The following FSTL5 variants were observed in gnomAD, a reference collection of about 807,000 sequenced individuals.
The protein encoded by FSTL5 is follistatin-related protein 5.
In FSTL5, 62 loss-of-function variants were observed where a neutral mutation model predicts 89.1. The ratio of observed to expected loss-of-function variants is 0.70; its 90% CI spans 0.57 to 0.86. The LOEUF is 0.86. Ranked by LOEUF, FSTL5 falls within the 40% of genes least tolerant of loss-of-function variation. The pLI, the probability that FSTL5 is intolerant of heterozygous loss-of-function variation, is 0.00. For missense variants in FSTL5, 1,057 were observed against 1,001.6 expected (o/e 1.06, Z -0.75); for synonymous variants, 383 against 346.2 (o/e 1.11, Z -1.18).
At chr4:161,563,678 C>T (rs1019356611) in intron 8 of FSTL5, among the ~76,000 whole-genome samples, 2 of 152,012 alleles carry the variant, frequency 1.3e-5, no homozygotes, top group African/African-American at 2.4e-5. Context: ...ATGGATATTA[C>T]CACTGCTCTC....
chr4:161,848,054 A>AC (rs1731429928), intron 4 of FSTL5, among the ~76,000 whole-genome samples: 3 of 150,082 alleles, frequency 2.0e-5, no homozygotes, highest in African/African-American at 5.0e-5. Flanking sequence ...AAAAAAAAAA[A>AC]AAAAAAAACA....
At chr4:161,740,187 T>C (rs1400885179) in intron 6 of FSTL5, among the ~76,000 whole-genome samples, 2 of 151,940 alleles carry the variant, frequency 1.3e-5, no homozygotes, top group Admixed American at 6.6e-5. Flanking sequence ...GCCCGGCTAA[T>C]TTTTATATTA....
intron 2 of FSTL5, among the ~76,000 whole-genome samples, chr4:162,066,373 C>CTTCTTGTT (rs1738914503): frequency 1.8e-5 from 1 of 56,240 alleles, no homozygotes; most frequent in African/African-American, 6.4e-5. Context: ...TTCTTCTTCT[C>CTTCTTGTT]CTTCTTCTTC....
intron 1 of FSTL5, among the ~76,000 whole-genome samples, chr4:162,138,793 C>A (rs77792273): frequency 6.6e-6 from 1 of 151,984 alleles, no homozygotes; most frequent in Admixed American, 6.6e-5. Flanking sequence ...AAAGAGAAAT[C>A]TGACATGCAA....
At chr4:161,424,449 G>T (rs577553804) in intron 15 of FSTL5, among the ~76,000 whole-genome samples, 30 of 149,916 alleles carry the variant, frequency 2.0e-4, no homozygotes, top group African/African-American at 7.3e-4. Flanking sequence ...AACAGGAAAA[G>T]AATTTCTTAA....
At chr4:161,667,885 T>C (rs1292339793) in intron 6 of FSTL5, among the ~76,000 whole-genome samples, 1 of 152,112 alleles carries the variant, frequency 6.6e-6, no homozygotes, top group African/African-American at 2.4e-5. Context: ...AAAACAATCA[T>C]TTTAAAAAGA....
At chr4:162,115,711 A>G (rs984723760) in intron 1 of FSTL5, among the ~76,000 whole-genome samples, 9 of 152,188 alleles carry the variant, frequency 5.9e-5, no homozygotes. Context: ...ACAAAGTGAG[A>G]CTTTAAAATG....
chr4:161,645,188 A>G (rs886553251), intron 7 of FSTL5, among the ~76,000 whole-genome samples: 2 of 152,142 alleles, frequency 1.3e-5, no homozygotes, highest in Non-Finnish European at 2.9e-5. Flanking sequence ...AAAATTAGAA[A>G]CACATGCTTT....
At chr4:161,531,189 G>A (rs1256406638) in intron 10 of FSTL5, among the ~76,000 whole-genome samples, 1 of 152,128 alleles carries the variant, frequency 6.6e-6, no homozygotes, top group Non-Finnish European at 1.5e-5. Flanking sequence ...AGTGATATTT[G>A]TTGACAAAGT....
intron 10 of FSTL5, among the ~76,000 whole-genome samples, chr4:161,519,607 C>G (rs532590951): frequency 2.0e-5 from 3 of 152,200 alleles, no homozygotes; most frequent in Non-Finnish European, 4.4e-5. Flanking sequence ...ATCCTCCTAG[C>G]CAGATTGGCA....
intron 4 of FSTL5, among the ~76,000 whole-genome samples, chr4:161,776,661 T>C (rs537404935): frequency 1.3e-5 from 2 of 151,646 alleles, no homozygotes; most frequent in Admixed American, 1.3e-4. Context: ...CACATATATA[T>C]TTACATTTAT....
chr4:161,971,810 G>A (rs1735493624), intron 3 of FSTL5, among the ~76,000 whole-genome samples: 1 of 152,098 alleles, frequency 6.6e-6, no homozygotes, highest in African/African-American at 2.4e-5. Context: ...ATGATTTTAT[G>A]TTAGTAAATA....
intron 4 of FSTL5, among the ~76,000 whole-genome samples, chr4:161,871,740 A>G (rs2126900452): frequency 6.6e-6 from 1 of 152,316 alleles, no homozygotes; most frequent in South Asian, 2.1e-4. Context: ...TATAATGAGC[A>G]TATGTGTATT....
At chr4:161,911,121 T>C (rs757302978) in intron 4 of FSTL5, among the ~76,000 whole-genome samples, 1 of 152,168 alleles carries the variant, frequency 6.6e-6, no homozygotes, top group Non-Finnish European at 1.5e-5. Context: ...TACATCTCTA[T>C]GTAAAATTAT....
chr4:162,028,553 G>T (rs538907479), intron 3 of FSTL5, among the ~76,000 whole-genome samples: 1 of 152,288 alleles, frequency 6.6e-6, no homozygotes, highest in African/African-American at 2.4e-5. Flanking sequence ...CTCCAGCCTG[G>T]GCAACAGAGT....
At chr4:161,523,106 T>A (rs1259812236) in intron 10 of FSTL5, among the ~76,000 whole-genome samples, 2 of 152,150 alleles carry the variant, frequency 1.3e-5, no homozygotes, top group Non-Finnish European at 2.9e-5. Flanking sequence ...ACGTCTCTAA[T>A]AGAGTTAATT....
chr4:161,595,162 C>A (rs530980583), intron 7 of FSTL5, among the ~76,000 whole-genome samples: 1 of 152,068 alleles, frequency 6.6e-6, no homozygotes, highest in East Asian at 1.9e-4. Context: ...ACATATCAAG[C>A]CTACTCTTTA....
chr4:162,158,540 G>A (rs575145639), intron 1 of FSTL5, among the ~76,000 whole-genome samples: 1 of 152,084 alleles, frequency 6.6e-6, no homozygotes, highest in South Asian at 2.1e-4. Context: ...GATTAGTTTT[G>A]AAAATGATAT....
chr4:162,065,148 C>T (rs1294180246), intron 2 of FSTL5, among the ~76,000 whole-genome samples: 2 of 151,898 alleles, frequency 1.3e-5, no homozygotes, highest in Non-Finnish European at 2.9e-5. Flanking sequence ...AACTATAAAA[C>T]TCCTAGAAAA....
Sources: gnomAD v4.1 joint callset for allele counts (sites outside exome capture counted in the v4.1 genomes callset) on GRCh38, gnomAD v4.1.1 for gene constraint, MANE v1.5 for transcripts, NCBI Gene and HGNC (gene_info 2026-07-23, HGNC 2026-07-21) for gene names.